Variants in FGF14 observed in about 807,000 individuals in gnomAD.
The protein encoded by FGF14 is fibroblast growth factor 14, also known as fibroblast growth factor homologous factor 4.
Under a neutral mutation model 25.5 loss-of-function variants are expected in FGF14, and 5 were observed. That is an observed-to-expected ratio of 0.20 (90% CI 0.10 to 0.41). The LOEUF is 0.41. Ranked by LOEUF, FGF14 falls within the 10% of genes least tolerant of loss-of-function variation. The probability of loss-of-function intolerance (pLI) is 1.00; values close to 1 mark genes in which losing one functional copy is unlikely to be tolerated. For missense variants in FGF14, 222 were observed against 320.1 expected (o/e 0.69, Z 2.34); for synonymous variants, 138 against 118.3 (o/e 1.17, Z -1.08).
At chr13:102,231,154 G>A (rs9513996) in intron 1 of FGF14, among the ~76,000 whole-genome samples, 51,865 of 151,998 alleles carry the variant, frequency 0.34, 9,107 homozygotes, top group Admixed American at 0.44. Flanking sequence ...CTGTCTCTCA[G>A]ATACAAATTT....
chr13:102,362,049 T>C (rs2057581474), intron 1 of FGF14, among the ~76,000 whole-genome samples: 1 of 152,140 alleles, frequency 6.6e-6, no homozygotes. Flanking sequence ...AGTATTGTCG[T>C]GCCCTTCTTC....
intron 1 of FGF14, among the ~76,000 whole-genome samples, chr13:102,344,850 T>C (rs764162707): frequency 1.4e-4 from 22 of 152,190 alleles, no homozygotes; most frequent in Non-Finnish European, 2.6e-4. Context: ...GCCTAAAATA[T>C]CATACAAAGG....
chr13:102,156,391 C>T (rs1447716990), intron 1 of FGF14, among the ~76,000 whole-genome samples: 4 of 152,186 alleles, frequency 2.6e-5, no homozygotes, highest in Admixed American at 2.6e-4. Flanking sequence ...AGCATATAAA[C>T]AGAACCAATG....
intron 1 of FGF14, among the ~76,000 whole-genome samples, chr13:102,278,923 G>A: frequency 6.6e-6 from 1 of 152,022 alleles, no homozygotes; most frequent in Admixed American, 6.6e-5. Context: ...CAAAGATGAT[G>A]TGACACATTT....
In FGF14 at chr13:101,913,397, C is replaced by A. The variant is rs115548307; in HGVS notation, c.193+3056G>T. 7.5e-3 allele frequency among the ~76,000 whole-genome samples: 1,146 copies of A among 152,162 alleles called. 12 individuals are homozygous for A. The highest frequency in any genetic ancestry group is 0.026 in the African/African-American group (1,074 of 41,514). On this transcript the variant is annotated intron_variant, in intron 1 of 4. Coordinates refer to ENST00000376143, the MANE Select transcript of FGF14 (RefSeq NM_004115.4). ...AGAGTAAGTCAACTGGTATAAACAT[C>A]ACTCTTCTATAGGGGTAGGGGTGAT...
At chr13:101,766,319 C>T (rs1392484407) in intron 3 of FGF14, among the ~76,000 whole-genome samples, 1 of 152,180 alleles carries the variant, frequency 6.6e-6, no homozygotes, top group African/African-American at 2.4e-5. Flanking sequence ...TTCCTCTCTT[C>T]CTTTTTTCCA....
chr13:101,812,363 C>A (rs1407764702), intron 3 of FGF14, among the ~76,000 whole-genome samples: 139 of 151,884 alleles, frequency 9.2e-4, no homozygotes, highest in African/African-American at 2.8e-3. Flanking sequence ...AATAATACAT[C>A]TTCATGTTCT....
At chr13:101,844,533 G>A (rs961942423) in intron 3 of FGF14, among the ~76,000 whole-genome samples, 2 of 151,852 alleles carry the variant, frequency 1.3e-5, no homozygotes, top group Non-Finnish European at 2.9e-5. Context: ...TTACAGTATG[G>A]CTGAGCTTCT....
chr13:101,914,312 A>G (rs2033253311), intron 1 of FGF14, among the ~76,000 whole-genome samples: 1 of 151,710 alleles, frequency 6.6e-6, no homozygotes, highest in South Asian at 2.1e-4. Flanking sequence ...GATACTAATA[A>G]ATTAATCCTT....
At chr13:102,338,626 T>C (rs940479025) in intron 1 of FGF14, among the ~76,000 whole-genome samples, 3 of 152,118 alleles carry the variant, frequency 2.0e-5, no homozygotes, top group Non-Finnish European at 2.9e-5. Flanking sequence ...GAAACAAAAC[T>C]GAAAAATTCA....
At position 102,111,777 on chromosome 13, in the gene FGF14, CA is replaced by C. The variant is rs10602468; in HGVS notation, c.209-236482del. 1.5e-3 allele frequency among the ~76,000 whole-genome samples: 207 copies of C among 137,728 alleles called. 2 individuals carry two copies. In the Middle Eastern group the frequency reaches 0.016, roughly 10 times the overall value. 90.4% of individuals were successfully genotyped at this position (137,728 alleles called of 152,430 possible). ...AGAATTTTGTAGGCCAACCATCAAA[CA>C]AAAAAAAAAAAAACCAAAGCAAAAC... On this transcript the variant is annotated intron_variant, in intron 1 of 4. Transcript: ENST00000376131.
At chr13:102,321,265 A>G (rs957600983) in intron 1 of FGF14, among the ~76,000 whole-genome samples, 3 of 152,150 alleles carry the variant, frequency 2.0e-5, no homozygotes, top group Non-Finnish European at 4.4e-5. Context: ...TTCAAGTTAT[A>G]TGGACTGTTT....
chr13:102,024,343 G>T (rs1342488912), intron 1 of FGF14, among the ~76,000 whole-genome samples: 5 of 152,020 alleles, frequency 3.3e-5, no homozygotes, highest in Non-Finnish European at 5.9e-5. Flanking sequence ...GTATCTCATT[G>T]TAGTTCGTAT....
intron 1 of FGF14, among the ~76,000 whole-genome samples, chr13:101,934,644 C>T (rs1366805507): frequency 6.6e-6 from 1 of 152,136 alleles, no homozygotes; most frequent in African/African-American, 2.4e-5. Context: ...TTCAAATGAA[C>T]ATCAGAAAAA....
rs1320569505 is a variant in FGF14, at chr13:102,289,056, TACA to T, written c.208+112412_208+112414del. ...AAATTGATTTATTGACCCTTTGCCT[TACA>T]ACACCTTCAACATCAGAGAAGTAGG... On this transcript the variant is annotated intron_variant, in intron 1 of 4. Coordinates refer to the FGF14 transcript ENST00000376131. Among the ~76,000 whole-genome samples, 9 of 152,282 alleles carry T rather than the reference TACA, an allele frequency of 5.9e-5. No homozygotes were observed. The East Asian group carries it at 1.5e-3, about 26-fold the overall frequency.
intron 3 of FGF14, among the ~76,000 whole-genome samples, chr13:101,812,590 TA>T (rs1375375454): frequency 3.8e-5 from 5 of 132,116 alleles, no homozygotes; most frequent in African/African-American, 1.4e-4. Flanking sequence ...CATATATCAC[TA>T]TTTTTTTATA....
At chr13:102,020,582 A>G (rs1418248978) in intron 1 of FGF14, among the ~76,000 whole-genome samples, 1 of 151,444 alleles carries the variant, frequency 6.6e-6, no homozygotes, top group Non-Finnish European at 1.5e-5. Flanking sequence ...GGAAGGAAAC[A>G]AAAGAGAGAG....
At chr13:102,086,298 A>C (rs140107365) in intron 1 of FGF14, among the ~76,000 whole-genome samples, 1,532 of 152,260 alleles carry the variant, frequency 0.01, 15 homozygotes, top group Non-Finnish European at 0.014. Context: ...AGGCGGGTGG[A>C]TCACAAGGTC....
chr13:102,067,136 A>G, intron 1 of FGF14, among the ~76,000 whole-genome samples: 1 of 152,174 alleles, frequency 6.6e-6, no homozygotes, highest in East Asian at 1.9e-4. Context: ...AGTTCGCACA[A>G]AACAAGCAAC....
Sources: allele counts gnomAD v4.1 joint callset (sites outside exome capture counted in the v4.1 genomes callset), GRCh38; gene constraint gnomAD v4.1.1; transcripts MANE v1.5; gene names NCBI Gene and HGNC (gene_info 2026-07-23, HGNC 2026-07-21).